The following CIT variants were observed in gnomAD, a reference collection of about 807,000 sequenced individuals.
CIT encodes the protein citron rho-interacting serine/threonine kinase.
A neutral mutation model predicts 272.7 loss-of-function variants in CIT; 79 were observed. The observed-to-expected ratio is 0.29, with a 90% CI of 0.24 to 0.35. The LOEUF (loss-of-function observed/expected upper bound fraction) is 0.35, where lower values mean the gene tolerates loss of function less well. Among genes scored for constraint, CIT ranks in the 10% least tolerant of loss-of-function variants. CIT has a pLI of 1.00. For missense variants in CIT, 1,909 were observed against 2,618.3 expected (o/e 0.73, Z 5.91); for synonymous variants, 948 against 995.6 (o/e 0.95, Z 0.90).
chr12:119,875,005 A>G (rs1421146548), intron 2 of CIT, among the ~76,000 whole-genome samples: 1 of 152,204 alleles, frequency 6.6e-6, no homozygotes, highest in African/African-American at 2.4e-5. Context: ...TCTTTCTTCA[A>G]TAAAAGGACA....
At position 119,713,610 on chromosome 12, in the gene CIT, A is replaced by G; in HGVS notation, c.4345T>C (p.Leu1449=). 1 of 1,614,252 alleles carries G rather than the reference A, an allele frequency of 6.2e-7. No homozygotes were observed. Among genetic ancestry groups the G allele is most frequent in the South Asian group, 1.1e-5 (1 of 91,086 alleles). The change falls in exon 34 of 48, where the codon TTG becomes CTG. Residue 1449 remains leucine, a synonymous_variant. Coordinates refer to ENST00000392521, the MANE Select transcript of CIT (RefSeq NM_001206999.2). The surrounding 1 kb of genome is among the most constrained non-coding windows in gnomAD (Gnocchi z 5.2). ...VMCHPKCSTC[L]PATCGLPAEY... is the part of the protein sequence containing the mutation. ...GCAGGCAAGCCGCAGGTGGCTGGCA[A>G]GCACGTGGAGCACTTGGGGTGACAC... is the stretch of plus-strand genomic sequence containing the variant.
intron 24 of CIT, among the ~76,000 whole-genome samples, chr12:119,737,838 A>C (rs1450852479): frequency 6.6e-6 from 1 of 152,192 alleles, no homozygotes; most frequent in Non-Finnish European, 1.5e-5. Flanking sequence ...CTATCTACCC[A>C]AGCCATAACA....
At chr12:119,790,969 G>A (rs1965257877) in intron 10 of CIT, among the ~76,000 whole-genome samples, 2 of 152,192 alleles carry the variant, frequency 1.3e-5, no homozygotes, top group African/African-American at 4.8e-5. Flanking sequence ...CACGTGTCAG[G>A]CACGTGTTTA....
intron 19 of CIT, among the ~76,000 whole-genome samples, chr12:119,764,620 A>G (rs988754259): frequency 9.2e-5 from 14 of 151,672 alleles, no homozygotes; most frequent in Non-Finnish European, 1.2e-4. Context: ...AAAAAAAAAA[A>G]AAAGAAAGAA....
chr12:119,862,808 T>TAAAAAAAA lies in CIT; in HGVS notation c.239-5118_239-5111dup, dbSNP rs1157467178. ...CTGGGTGACAGAGCAAGACTCTACC[T>TAAAAAAAA]AAAAAAAAAAAAAAAAAAAAAAAAA... On this transcript the variant is annotated intron_variant, in intron 3 of 47. Coordinates refer to ENST00000392521, the MANE Select transcript of CIT (RefSeq NM_001206999.2). Among the ~76,000 whole-genome samples the TAAAAAAAA allele has an allele frequency of 6.4e-3, 66 of 10,250 alleles. 5 individuals are homozygous for TAAAAAAAA. The highest frequency in any genetic ancestry group is 0.016 in the African/African-American group (51 of 3,194). The allele number at this position is 10,250 out of a possible 152,430, so 6.7% of individuals were successfully genotyped here.
chr12:119,859,309 C>A (rs11064933), intron 3 of CIT, among the ~76,000 whole-genome samples: 7,294 of 152,216 alleles, frequency 0.048, 327 homozygotes, highest in African/African-American at 0.12. Context: ...ACACTGGAAT[C>A]TTCTGGGAAC....
At chr12:119,707,554 T>G (rs2137029933) in intron 40 of CIT, among the ~76,000 whole-genome samples, 1 of 151,154 alleles carries the variant, frequency 6.6e-6, no homozygotes, top group South Asian at 2.1e-4. Context: ...CAGGCTGGAG[T>G]GCGGTGGCGC....
intron 39 of CIT, among the ~76,000 whole-genome samples, chr12:119,709,321 T>C (rs1957034938): frequency 1.3e-5 from 2 of 151,772 alleles, no homozygotes; most frequent in Non-Finnish European, 2.9e-5. Flanking sequence ...AATGTGTCAA[T>C]GTAGGTTCAC....
At chr12:119,815,716 A>T (rs1012541110) in intron 9 of CIT, among the ~76,000 whole-genome samples, 8 of 152,254 alleles carry the variant, frequency 5.3e-5, no homozygotes, top group African/African-American at 1.9e-4. Context: ...CAAAAAAAAA[A>T]AAATTACTGA....
intron 19 of CIT, among the ~76,000 whole-genome samples, chr12:119,766,004 G>C (rs1274535942): frequency 6.6e-6 from 1 of 152,134 alleles, no homozygotes; most frequent in African/African-American, 2.4e-5. Context: ...TCCATCAGCG[G>C]ATGAATGGAT....
At chr12:119,723,480 G>A (rs528938449) in intron 28 of CIT, among the ~76,000 whole-genome samples, 1 of 151,374 alleles carries the variant, frequency 6.6e-6, no homozygotes, top group Non-Finnish European at 1.5e-5. Flanking sequence ...TTCCCAGAAA[G>A]AAGCAAACAG....
intron 10 of CIT, among the ~76,000 whole-genome samples, chr12:119,787,743 A>AAAAAAAAAAAAT (rs1320776344): frequency 2.2e-5 from 3 of 135,198 alleles, no homozygotes; most frequent in Non-Finnish European, 4.8e-5. Flanking sequence ...AAAAAAAAAA[A>AAAAAAAAAAAAT]AAAAAAGCAA....
intron 10 of CIT, among the ~76,000 whole-genome samples, chr12:119,798,712 G>A (rs1308615432): frequency 2.0e-5 from 3 of 152,202 alleles, no homozygotes; most frequent in Non-Finnish European, 4.4e-5. Context: ...AGGAAAACCA[G>A]GATGAATAAG....
chr12:119,796,444 G>A (rs969266897), intron 10 of CIT, among the ~76,000 whole-genome samples: 2 of 152,168 alleles, frequency 1.3e-5, no homozygotes, highest in African/African-American at 2.4e-5. Context: ...ATGGGATGGC[G>A]GGGGAGGCAG....
chr12:119,719,755 G>A lies in CIT; in HGVS notation c.3840+723C>T, dbSNP rs145264718. ...CTGCTATGGTATGCTTCTGCATTTGGAAGGAAACTGCAAGCTTCTTCAAGA... is the reference window on the plus strand; with the variant it reads ...CTGCTATGGTATGCTTCTGCATTTGAAAGGAAACTGCAAGCTTCTTCAAGA... On this transcript the variant is annotated intron_variant, in intron 30 of 47. Transcript: ENST00000392521. Among the ~76,000 whole-genome samples, 1,467 of 152,318 alleles carry A rather than the reference G, an allele frequency of 9.6e-3. 6 individuals are homozygous for A. Among genetic ancestry groups the A allele is most frequent in the Non-Finnish European group, 0.014 (936 of 68,034 alleles).
intron 10 of CIT, among the ~76,000 whole-genome samples, chr12:119,786,518 T>G (rs914313326): frequency 1.3e-5 from 2 of 152,218 alleles, no homozygotes; most frequent in African/African-American, 4.8e-5. Context: ...AAGGTTCTTA[T>G]GCACAGAGAG....
chr12:119,807,911 AT>A (rs1182614372), intron 9 of CIT, among the ~76,000 whole-genome samples: 31 of 151,998 alleles, frequency 2.0e-4, no homozygotes, highest in African/African-American at 6.0e-4. Flanking sequence ...ATAGAAAAAA[AT>A]ATTTCCATAT....
At chr12:119,846,992 T>A (rs1003025558) in intron 5 of CIT, among the ~76,000 whole-genome samples, 3 of 151,796 alleles carry the variant, frequency 2.0e-5, no homozygotes, top group Non-Finnish European at 4.4e-5. Context: ...AACGTCTTTT[T>A]TTTTTTTCTT....
At chr12:119,721,010 G>A (rs903717955) in intron 29 of CIT, among the ~76,000 whole-genome samples, 45 of 152,044 alleles carry the variant, frequency 3.0e-4, no homozygotes, top group African/African-American at 1.0e-3. Flanking sequence ...TCTGTTGCCC[G>A]GGCTGGAGTG....
Sources: allele counts gnomAD v4.1 joint callset (sites outside exome capture counted in the v4.1 genomes callset), GRCh38; gene constraint gnomAD v4.1.1; non-coding constraint Gnocchi (gnomAD v3.1); transcripts MANE v1.5; gene names NCBI Gene and HGNC (gene_info 2026-07-23, HGNC 2026-07-21).